Variants in GATAD2B observed in about 807,000 individuals in gnomAD.
GATAD2B encodes the protein transcriptional repressor p66-beta.
In GATAD2B, 8 loss-of-function variants were observed where a neutral mutation model predicts 64.3. The observed-to-expected ratio is 0.12, with a 90% CI of 0.07 to 0.22. The LOEUF is 0.22. GATAD2B is among the 10% of genes least tolerant of loss of function. The pLI is 1.00. For missense variants in GATAD2B, 453 were observed against 752.0 expected (o/e 0.60, Z 4.65); for synonymous variants, 281 against 271.3 (o/e 1.04, Z -0.35).
intron 1 of GATAD2B, among the ~76,000 whole-genome samples, chr1:153,837,313 A>C (rs977461481): frequency 6.6e-6 from 1 of 151,860 alleles, no homozygotes; most frequent in African/African-American, 2.4e-5. Context: ...CAACAGAGTA[A>C]GATGCCCTTA....
At chr1:153,897,008 G>C (rs1677615956) in intron 1 of GATAD2B, among the ~76,000 whole-genome samples, 1 of 151,744 alleles carries the variant, frequency 6.6e-6, no homozygotes, top group Non-Finnish European at 1.5e-5. Context: ...TTATGGCTTT[G>C]GGAACTAAAA....
chr1:153,875,898 G>C (rs1189082585), intron 1 of GATAD2B, among the ~76,000 whole-genome samples: 1 of 151,980 alleles, frequency 6.6e-6, no homozygotes, highest in Non-Finnish European at 1.5e-5. Context: ...CTGTTAGAGA[G>C]AAAAGAAAAA....
intron 1 of GATAD2B, among the ~76,000 whole-genome samples, chr1:153,884,224 AG>A (rs1677095777): frequency 6.6e-6 from 1 of 152,186 alleles, no homozygotes; most frequent in Non-Finnish European, 1.5e-5. Flanking sequence ...GCAGATCACG[AG>A]GTCAGGAGAT....
intron 1 of GATAD2B, among the ~76,000 whole-genome samples, chr1:153,892,223 T>C (rs1288311302): frequency 4.0e-5 from 6 of 148,430 alleles, no homozygotes; most frequent in Non-Finnish European, 3.0e-5. Flanking sequence ...TCCCCAGGCC[T>C]AGCTAGAAGC....
At chr1:153,811,617 C>T in intron 10 of GATAD2B, 114 bp downstream of exon 10, 1 of 754,574 alleles carries the variant, frequency 1.3e-6, no homozygotes, top group East Asian at 2.5e-5. Flanking sequence ...AGAGTGTATG[C>T]CCTAAAGAAA....
intron 7 of GATAD2B, among the ~76,000 whole-genome samples, chr1:153,815,101 A>AAAAAAAAAAAAC (rs1674415358): frequency 2.1e-5 from 3 of 144,124 alleles, no homozygotes; most frequent in Non-Finnish European, 4.6e-5. Flanking sequence ...AAAAAAAAAA[A>AAAAAAAAAAAAC]AAAAAAAAAA....
At chr1:153,909,875 G>T (rs1678062583) in intron 1 of GATAD2B, among the ~76,000 whole-genome samples, 1 of 151,202 alleles carries the variant, frequency 6.6e-6, no homozygotes, top group African/African-American at 2.4e-5. Flanking sequence ...CTGAACCTGG[G>T]AGGCAGAGGT....
Position 153,816,561 on chromosome 1 carries a change from G to A in GATAD2B, c.928C>T (p.Arg310Cys), listed in dbSNP as rs1467878557. 1.2e-6 allele frequency: 2 copies of A among 1,612,590 alleles called. No homozygotes were observed. The highest frequency in any genetic ancestry group is 1.7e-4 in the Middle Eastern group (1 of 6,058). Residue 310 changes from arginine to cysteine, a missense_variant, in exon 7 of 11, where the codon CGT (arginine) becomes TGT (cysteine). Physicochemically the swap from Arg to Cys is radical, Grantham distance 180. Around this residue, in one of 2 missense-constraint regions of GATAD2B, gnomAD observed 293 missense variants for 417.2 expected, o/e 0.70. Transcript: ENST00000368655. The surrounding 1 kb of genome is among the most constrained non-coding windows in gnomAD (Gnocchi z 4.9). Reference protein sequence around the residue: ...PQSSSSVPCQRTTSSAIYMNL... With the variant: ...PQSSSSVPCQCTTSSAIYMNL... ...ATATAGATGGCAGAGGATGTTGTAC[G>A]CTGACATGGAACAGAAGAACTTGAC...
intron 1 of GATAD2B, among the ~76,000 whole-genome samples, chr1:153,907,849 G>A (rs1677995084): frequency 6.6e-6 from 1 of 152,116 alleles, no homozygotes; most frequent in Non-Finnish European, 1.5e-5. Context: ...CTGTCACCCA[G>A]GCTGGAGTGC....
rs747185134 is a variant in GATAD2B at position 153,819,670 on chromosome 1, G to A, written c.401C>T (p.Ser134Phe). 1 of 1,611,242 alleles carries A rather than the reference G, an allele frequency of 6.2e-7. No homozygotes were observed. Among genetic ancestry groups the A allele is most frequent in the Non-Finnish European group, 8.5e-7 (1 of 1,178,046 alleles). The part of the protein sequence containing the change: ...DIIVLSDNEA[S>F]SPRSSSRMEE... ...CATTCTGGAACTGGAACGGGGACTG[G>A]AAGCCTCATTGTCAGACAAAACAAT... The change falls in exon 3 of 11, where the codon TCC (serine) becomes TTC (phenylalanine). Residue 134 changes from serine to phenylalanine, a missense_variant. Ser to Phe is a radical substitution (Grantham distance 155). Coordinates refer to ENST00000368655, the MANE Select transcript of GATAD2B (RefSeq NM_020699.4).
At chr1:153,859,132 G>A (rs1291280907) in intron 1 of GATAD2B, among the ~76,000 whole-genome samples, 1 of 152,050 alleles carries the variant, frequency 6.6e-6, no homozygotes, top group Non-Finnish European at 1.5e-5. Context: ...GGAGGCCGAG[G>A]TATGTAGGAT....
chr1:153,859,359 C>T (rs1676192704), intron 1 of GATAD2B, among the ~76,000 whole-genome samples: 1 of 33,264 alleles, frequency 3.0e-5, no homozygotes, highest in Non-Finnish European at 7.9e-5. Flanking sequence ...TGCAAGACTT[C>T]ACCTCAAAAA....
intron 1 of GATAD2B, among the ~76,000 whole-genome samples, chr1:153,834,727 GA>G (rs1349772493): frequency 6.6e-6 from 1 of 152,170 alleles, no homozygotes. Context: ...GAAAGAAGTT[GA>G]TTATAACTTT....
intron 1 of GATAD2B, among the ~76,000 whole-genome samples, chr1:153,832,679 T>C (rs1429578110): frequency 1.3e-5 from 2 of 152,222 alleles, no homozygotes; most frequent in African/African-American, 2.4e-5. Flanking sequence ...ATTTAAGGGA[T>C]ACATGTGTAG....
At position 153,922,722 on chromosome 1, in the gene GATAD2B, A is replaced by G. The variant is rs533205400; in HGVS notation, c.-2+11T>C. ...CGGGCGGCCAGGCTGGCCTAGGCCA[A>G]AGCTCCTCACCTGGCGGTGGCGGTG... is the stretch of plus-strand genomic sequence containing the variant. On this transcript the variant is annotated intron_variant, in intron 1 of 10. Transcript: ENST00000368655. 693 of 151,552 alleles carry G rather than the reference A, an allele frequency of 4.6e-3. 1 individual carries two copies. The highest frequency in any genetic ancestry group is 7.0e-3 in the Non-Finnish European group (479 of 68,056). The allele number at this position is 151,552 out of a possible 1,614,324, so 9.4% of individuals were successfully genotyped here.
intron 1 of GATAD2B, among the ~76,000 whole-genome samples, chr1:153,831,417 T>C (rs1018837692): frequency 2.0e-5 from 3 of 152,110 alleles, no homozygotes; most frequent in African/African-American, 7.2e-5. Flanking sequence ...GACGGGTTGA[T>C]AGCTGCTGCA....
At chr1:153,892,498 G>C (rs1034564740) in intron 1 of GATAD2B, among the ~76,000 whole-genome samples, 12 of 151,986 alleles carry the variant, frequency 7.9e-5, no homozygotes, top group Non-Finnish European at 1.5e-4. Context: ...GACTGTAGAG[G>C]GATACATGAA....
At chr1:153,908,523 C>G (rs1183306857) in intron 1 of GATAD2B, among the ~76,000 whole-genome samples, 3 of 151,394 alleles carry the variant, frequency 2.0e-5, no homozygotes, top group Non-Finnish European at 2.9e-5. Flanking sequence ...GTTGCCCAGG[C>G]TGGAATCCAA....
chr1:153,869,892 T>C (rs1676605275), intron 1 of GATAD2B, among the ~76,000 whole-genome samples: 1 of 152,074 alleles, frequency 6.6e-6, no homozygotes, highest in African/African-American at 2.4e-5. Context: ...TTTGGGAGGC[T>C]GAGGCGGCAG....
Sources: allele counts gnomAD v4.1 joint callset (sites outside exome capture counted in the v4.1 genomes callset), GRCh38; gene constraint gnomAD v4.1.1; regional missense constraint gnomAD v4.1.1; non-coding constraint Gnocchi (gnomAD v3.1); transcripts MANE v1.5; gene names NCBI Gene and HGNC (gene_info 2026-07-23, HGNC 2026-07-21).